The following PIEZO2 variants were observed in gnomAD, a reference collection of about 807,000 sequenced individuals.
PIEZO2 encodes the protein piezo type mechanosensitive ion channel component 2.
In PIEZO2, 172 loss-of-function variants were observed where a neutral mutation model predicts 337.3. That is an observed-to-expected ratio of 0.51 (90% CI 0.45 to 0.58). PIEZO2 has a LOEUF of 0.58. Ranked by LOEUF, PIEZO2 falls within the 20% of genes least tolerant of loss-of-function variation. The pLI is 0.00. For synonymous variants in PIEZO2, 1,251 were observed against 1,228.5 expected, an observed-to-expected ratio of 1.02 and a Z score of -0.38; for missense variants, 3,028 against 3,391.3, an observed-to-expected ratio of 0.89 and a Z score of 2.66.
chr18:10,858,761 A>G (rs2041795214), intron 5 of PIEZO2, among the ~76,000 whole-genome samples: 4 of 152,040 alleles, frequency 2.6e-5, no homozygotes, highest in Admixed American at 2.6e-4. Flanking sequence ...GGGTGACTGG[A>G]GTTGACTATT....
intron 3 of PIEZO2, among the ~76,000 whole-genome samples, chr18:10,921,014 T>C (rs553489336): frequency 2.8e-4 from 42 of 152,080 alleles, no homozygotes; most frequent in Admixed American, 3.9e-4. Flanking sequence ...GATCCTGCCA[T>C]TGGACTCCAG....
chr18:10,826,547 T>C (rs2144505962), intron 7 of PIEZO2, among the ~76,000 whole-genome samples: 1 of 152,328 alleles, frequency 6.6e-6, no homozygotes, highest in South Asian at 2.1e-4. Flanking sequence ...TTATATGCAG[T>C]TCCTTTTGTC....
chr18:11,027,771 G>C lies in PIEZO2; in HGVS notation c.160+38356C>G, dbSNP rs1461998093. 2.0e-5 allele frequency among the ~76,000 whole-genome samples: 3 copies of C among 152,148 alleles called. No homozygotes were observed. The highest frequency in any genetic ancestry group is 4.4e-5 in the Non-Finnish European group (3 of 68,026). ...TCACTCTAACTCCAGGATTCATAGT[G>C]ATCTTGATCTATCATTTAGCGTTTC... On this transcript the variant is annotated intron_variant, in intron 2 of 55. Coordinates refer to ENST00000674853, the MANE Select transcript of PIEZO2 (RefSeq NM_001378183.1). This position sits in a 1 kb window ranked among gnomAD's most constrained non-coding sequence, Gnocchi z 4.2.
chr18:11,099,555 C>T lies in PIEZO2; in HGVS notation c.65-33333G>A, dbSNP rs891071506. Among the ~76,000 whole-genome samples the T allele has an allele frequency of 1.3e-5, 2 of 152,196 alleles. No homozygotes were observed. The highest frequency in any genetic ancestry group is 4.8e-5 in the African/African-American group (2 of 41,454). On this transcript the variant is annotated intron_variant, in intron 1 of 55. Coordinates refer to ENST00000674853, the MANE Select transcript of PIEZO2 (RefSeq NM_001378183.1). The surrounding 1 kb of genome is among the most constrained non-coding windows in gnomAD (Gnocchi z 5.4). ...GATCTCGGCTCACTGCAACCTCTGC[C>T]TCCAGGGTTCAAATGATTCTCTGGC...
chr18:10,691,782 C>CACACACACACACACATATATATATATAT, intron 47 of PIEZO2, among the ~76,000 whole-genome samples: 21 of 96,600 alleles, frequency 2.2e-4, no homozygotes, highest in East Asian at 4.3e-4. Flanking sequence ...CACACACACA[C>CACACACACACACACATATATATATATAT]ATATATATAT....
chr18:11,059,354 G>A (rs369236952), intron 2 of PIEZO2, among the ~76,000 whole-genome samples: 1,873 of 152,100 alleles, frequency 0.012, 22 homozygotes, highest in Non-Finnish European at 0.018. Flanking sequence ...TCAACTAACA[G>A]GCAAAATAAC....
intron 7 of PIEZO2, among the ~76,000 whole-genome samples, chr18:10,822,210 C>T (rs1017264347): frequency 1.3e-5 from 2 of 152,188 alleles, no homozygotes; most frequent in Non-Finnish European, 2.9e-5. Flanking sequence ...AATTCATGGA[C>T]CAGCACTGAT....
In PIEZO2 at chr18:10,714,950, G is replaced by T. The variant is rs1351367996; in HGVS notation, c.5257-20C>A. On this transcript the variant is annotated intron_variant, in intron 38 of 55. Transcript: ENST00000674853. ...ATTGCCCTGAGGAGAATGAGACATTGCCACAGTTCTTATGGAGGCATCTAC... is the reference window on the plus strand; with the variant it reads ...ATTGCCCTGAGGAGAATGAGACATTTCCACAGTTCTTATGGAGGCATCTAC... 1 of 1,535,508 alleles carries T rather than the reference G, an allele frequency of 6.5e-7. No individual in the cohort carries two copies. The highest frequency in any genetic ancestry group is 2.4e-5 in the East Asian group (1 of 40,896).
In PIEZO2 at chr18:11,038,741, A is replaced by G. The variant is rs1449184041; in HGVS notation, c.160+27386T>C. Among the ~76,000 whole-genome samples the G allele has an allele frequency of 6.6e-6, 1 of 152,242 alleles. No individual in the cohort carries two copies. On this transcript the variant is annotated intron_variant, in intron 2 of 55. Transcript: ENST00000674853. This position sits in a 1 kb window ranked among gnomAD's most constrained non-coding sequence, Gnocchi z 4.1. ...CAACATTTCAATTTCTGCATTGATT[A>G]AATGTATAATACATGCATACATACA... is the stretch of plus-strand genomic sequence containing the variant.
intron 2 of PIEZO2, among the ~76,000 whole-genome samples, chr18:10,986,804 T>C (rs2034892637): frequency 6.6e-6 from 1 of 151,900 alleles, no homozygotes; most frequent in Non-Finnish European, 1.5e-5. Context: ...TAATATAATA[T>C]TATGTTTTGA....
At position 10,828,140 on chromosome 18, in the gene PIEZO2, GTTT is replaced by G. The variant is rs10718341; in HGVS notation, c.918-20869_918-20867del. ...GGTTTTTTTTTGTTTGTTTGTTTTT[GTTT>G]TTTTTTTTTTTTACAGTAAAACCAA... On this transcript the variant is annotated intron_variant, in intron 7 of 55. Transcript: ENST00000674853. The surrounding 1 kb of genome is among the most constrained non-coding windows in gnomAD (Gnocchi z 4.1). 0.15 allele frequency among the ~76,000 whole-genome samples: 20,456 copies of G among 141,028 alleles called. 1,420 individuals are homozygous for G. Among genetic ancestry groups the G allele is most frequent in the Middle Eastern group, 0.2 (57 of 282 alleles). 92.5% of individuals were successfully genotyped at this position (141,028 alleles called of 152,430 possible).
rs186691336 is a variant in PIEZO2 at position 11,101,685 on chromosome 18, C to A, written c.65-35463G>T. On this transcript the variant is annotated intron_variant, in intron 1 of 55. Coordinates refer to ENST00000674853, the MANE Select transcript of PIEZO2 (RefSeq NM_001378183.1). The surrounding 1 kb of genome is among the most constrained non-coding windows in gnomAD (Gnocchi z 4.4). ...ACTATGTTCAGTGTTTATATCCTCACAGAGAATTTCCTAAAGCATTTAAGT... is the reference window on the plus strand; with the variant it reads ...ACTATGTTCAGTGTTTATATCCTCAAAGAGAATTTCCTAAAGCATTTAAGT... Among the ~76,000 whole-genome samples, 2 of 152,288 alleles carry A rather than the reference C, an allele frequency of 1.3e-5. No individual in the cohort carries two copies. Among genetic ancestry groups the A allele is most frequent in the East Asian group, 1.9e-4 (1 of 5,180 alleles).
chr18:10,883,790 T>G (rs1000817869), intron 4 of PIEZO2, among the ~76,000 whole-genome samples: 1 of 151,566 alleles, frequency 6.6e-6, no homozygotes, highest in Non-Finnish European at 1.5e-5. Context: ...AAGTATCAGT[T>G]TACCCTGTTT....
At chr18:11,065,924 T>G (rs542239470) in intron 2 of PIEZO2, among the ~76,000 whole-genome samples, 3 of 152,208 alleles carry the variant, frequency 2.0e-5, no homozygotes, top group Non-Finnish European at 2.9e-5. Flanking sequence ...GTTAACTGTG[T>G]AAGTGACAAA....
chr18:10,794,536 G>A lies in PIEZO2; in HGVS notation c.1758+236C>T, dbSNP rs1273315741. 6.6e-6 allele frequency among the ~76,000 whole-genome samples: 1 copy of A among 152,152 alleles called. No individual in the cohort carries two copies. Among genetic ancestry groups the A allele is most frequent in the Non-Finnish European group, 1.5e-5 (1 of 68,038 alleles). On this transcript the variant is annotated intron_variant, in intron 13 of 55. Coordinates refer to ENST00000674853, the MANE Select transcript of PIEZO2 (RefSeq NM_001378183.1). This position sits in a 1 kb window ranked among gnomAD's most constrained non-coding sequence, Gnocchi z 6.6. Reference sequence around the variant, plus strand: ...AAACATTTATACAAGTTTTCTTTGAGTGGAAAACATTGTCATTCCTAAGTA... The same window carrying A: ...AAACATTTATACAAGTTTTCTTTGAATGGAAAACATTGTCATTCCTAAGTA...
At position 10,684,007 on chromosome 18, in the gene PIEZO2, C is replaced by A. The variant is rs550756189; in HGVS notation, c.7498-1715G>T. On this transcript the variant is annotated intron_variant, in intron 49 of 55. Transcript: ENST00000674853. ...CATCTCAAATTACGCAGCCAATTTTCCCCTCCTCTCGAAATTTTCTCCCTT... is the reference window on the plus strand; with the variant it reads ...CATCTCAAATTACGCAGCCAATTTTACCCTCCTCTCGAAATTTTCTCCCTT... Among the ~76,000 whole-genome samples, 618 of 152,004 alleles carry A rather than the reference C, an allele frequency of 4.1e-3. 1 individual carries two copies. Among genetic ancestry groups the A allele is most frequent in the Non-Finnish European group, 7.6e-3 (518 of 67,954 alleles).
intron 3 of PIEZO2, among the ~76,000 whole-genome samples, chr18:10,950,443 C>T (rs1404679563): frequency 6.6e-6 from 1 of 152,180 alleles, no homozygotes; most frequent in African/African-American, 2.4e-5. Flanking sequence ...AAGGACTGAA[C>T]AAAATCTACA....
In PIEZO2 at chr18:10,775,913, A is replaced by G. The variant is rs2038768813; in HGVS notation, c.2535-1875T>C. 2.2e-5 allele frequency among the ~76,000 whole-genome samples: 1 copy of G among 44,992 alleles called. No individual in the cohort carries two copies. Among genetic ancestry groups the G allele is most frequent in the Non-Finnish European group, 5.5e-5 (1 of 18,128 alleles). 29.5% of individuals were successfully genotyped at this position (44,992 alleles called of 152,430 possible). On this transcript the variant is annotated intron_variant, in intron 18 of 55. Coordinates refer to ENST00000674853, the MANE Select transcript of PIEZO2 (RefSeq NM_001378183.1). The surrounding 1 kb of genome is among the most constrained non-coding windows in gnomAD (Gnocchi z 4.3). ...CCTCATGAGCTTGTAATGGATGACA[A>G]AAAAAGAAAAAAAAAAAGAAATTAT...
At chr18:11,095,212 T>C (rs1304348957) in intron 1 of PIEZO2, among the ~76,000 whole-genome samples, 1 of 152,218 alleles carries the variant, frequency 6.6e-6, no homozygotes, top group East Asian at 1.9e-4. Context: ...AGGTCACAGA[T>C]ATAAACAAAA....
Sources: gnomAD v4.1 joint callset for allele counts (sites outside exome capture counted in the v4.1 genomes callset) on GRCh38, gnomAD v4.1.1 for gene constraint, Gnocchi (gnomAD v3.1) non-coding constraint, MANE v1.5 for transcripts, NCBI Gene and HGNC (gene_info 2026-07-23, HGNC 2026-07-21) for gene names.